Variants in CTNND2 observed in about 807,000 individuals in gnomAD.
CTNND2 encodes catenin delta 2, also known as catenin delta-2.
A neutral mutation model predicts 144.4 loss-of-function variants in CTNND2; 22 were observed. The observed-to-expected ratio is 0.15, with a 90% CI of 0.11 to 0.22. The LOEUF is 0.22. CTNND2 is among the 10% of genes least tolerant of loss of function. The probability of loss-of-function intolerance (pLI) is 1.00; values close to 1 mark genes in which losing one functional copy is unlikely to be tolerated. For synonymous variants in CTNND2, 751 were observed against 695.6 expected (o/e 1.08, Z -1.25); for missense variants, 1,353 against 1,618.8 (o/e 0.84, Z 2.82).
chr5:11,557,046 T>C (rs1313147568), intron 3 of CTNND2, among the ~76,000 whole-genome samples: 1 of 152,016 alleles, frequency 6.6e-6, no homozygotes, highest in Non-Finnish European at 1.5e-5. Flanking sequence ...GCCTGAAAAA[T>C]AAAATAGGGT....
intron 10 of CTNND2, among the ~76,000 whole-genome samples, chr5:11,217,075 A>G (rs1317520897): frequency 6.6e-6 from 1 of 152,080 alleles, no homozygotes; most frequent in South Asian, 2.1e-4. Flanking sequence ...CTCTTTGTCC[A>G]TTTTCTTGAC....
intron 1 of CTNND2, among the ~76,000 whole-genome samples, chr5:11,845,884 T>C (rs1794711763): frequency 6.6e-6 from 1 of 152,144 alleles, no homozygotes; most frequent in African/African-American, 2.4e-5. Context: ...CTAGTCTATA[T>C]TTAGAAAAGC....
intron 3 of CTNND2, among the ~76,000 whole-genome samples, chr5:11,521,143 G>A (rs1448313179): frequency 2.6e-5 from 4 of 152,114 alleles, no homozygotes; most frequent in Admixed American, 6.6e-5. Flanking sequence ...GGGAAATTTG[G>A]CATGTCAGAA....
At chr5:11,484,757 C>T (rs897626627) in intron 3 of CTNND2, among the ~76,000 whole-genome samples, 1 of 152,066 alleles carries the variant, frequency 6.6e-6, no homozygotes, top group Non-Finnish European at 1.5e-5. Context: ...TCAAATTATC[C>T]TATTTATGAA....
rs199620175 is a variant in CTNND2, at chr5:11,501,905, G to A, written c.287+63039C>T. On this transcript the variant is annotated intron_variant, in intron 3 of 21. Coordinates refer to ENST00000304623, the MANE Select transcript of CTNND2 (RefSeq NM_001332.4). ...TAGCTGGGTGTGGTTGCAGGTGCCT[G>A]TAGTCCCAGCTACTCGGGAGGCTGG... Among the ~76,000 whole-genome samples the A allele has an allele frequency of 2.6e-5, 4 of 151,864 alleles. No individual in the cohort carries two copies. In the East Asian group the frequency reaches 7.8e-4, roughly 30 times the overall value.
intron 1 of CTNND2, among the ~76,000 whole-genome samples, chr5:11,859,918 A>C (rs1795425783): frequency 1.3e-5 from 2 of 152,208 alleles, no homozygotes. Context: ...TCTAGGGACT[A>C]CCAGATATAG....
intron 1 of CTNND2, among the ~76,000 whole-genome samples, chr5:11,808,974 T>C (rs1792162044): frequency 6.6e-6 from 1 of 152,204 alleles, no homozygotes; most frequent in Non-Finnish European, 1.5e-5. Context: ...GTGAGAATTA[T>C]CATCGCTGAG....
At chr5:11,426,621 T>C (rs893439661) in intron 3 of CTNND2, among the ~76,000 whole-genome samples, 1 of 152,216 alleles carries the variant, frequency 6.6e-6, no homozygotes, top group African/African-American at 2.4e-5. Flanking sequence ...TGAGTGAGAC[T>C]CAAGTCAGTA....
intron 15 of CTNND2, among the ~76,000 whole-genome samples, chr5:11,086,486 C>T (rs909351673): frequency 3.3e-5 from 5 of 152,170 alleles, no homozygotes; most frequent in Non-Finnish European, 7.3e-5. Flanking sequence ...ACTGACGGGA[C>T]TGGGAAACAG....
intron 21 of CTNND2, among the ~76,000 whole-genome samples, chr5:10,979,120 C>A (rs184828103): frequency 1.3e-5 from 2 of 152,198 alleles, no homozygotes; most frequent in Non-Finnish European, 2.9e-5. Flanking sequence ...ACACTCTTGG[C>A]GGCAAAATCA....
chr5:11,729,164 C>T (rs1297197831), intron 2 of CTNND2, among the ~76,000 whole-genome samples: 1 of 150,352 alleles, frequency 6.7e-6, no homozygotes, highest in African/African-American at 2.5e-5. Context: ...ACATTTGCAT[C>T]CCTCCCCAAA....
intron 1 of CTNND2, among the ~76,000 whole-genome samples, chr5:11,788,197 G>A (rs1212358476): frequency 6.6e-6 from 1 of 152,084 alleles, no homozygotes; most frequent in Admixed American, 6.6e-5. Context: ...CAAAAAATAT[G>A]TATCATAATA....
At position 11,217,026 on chromosome 5, in the gene CTNND2, T is replaced by C. The variant is rs549915032; in HGVS notation, c.1762-17365A>G. Reference sequence around the variant, plus strand: ...AATCTCAATGTGTGCTGTGCACACATTGCACTTCTATGTACCAAGAAGTAC... The same window carrying C: ...AATCTCAATGTGTGCTGTGCACACACTGCACTTCTATGTACCAAGAAGTAC... On this transcript the variant is annotated intron_variant, in intron 10 of 21. Transcript: ENST00000304623. Among the ~76,000 whole-genome samples the C allele has an allele frequency of 9.3e-4, 142 of 152,298 alleles. 1 individual carries two copies. The highest frequency in any genetic ancestry group is 1.5e-3 in the Non-Finnish European group (103 of 68,022).
At chr5:11,404,592 T>C (rs1760917405) in intron 5 of CTNND2, among the ~76,000 whole-genome samples, 1 of 146,354 alleles carries the variant, frequency 6.8e-6, no homozygotes, top group Admixed American at 6.9e-5. Context: ...TATCTGTCAG[T>C]ATCTGTATTC....
chr5:11,472,783 G>A (rs979467438), intron 3 of CTNND2, among the ~76,000 whole-genome samples: 8 of 152,050 alleles, frequency 5.3e-5, no homozygotes, highest in African/African-American at 1.9e-4. Flanking sequence ...ATAATATGAC[G>A]GTGTTAGACT....
chr5:11,817,407 GAGGGAGAGAGAGAGAGAGAGAGA>G (rs1793025224), intron 1 of CTNND2, among the ~76,000 whole-genome samples: 1 of 12,790 alleles, frequency 7.8e-5, no homozygotes, highest in Non-Finnish European at 1.4e-4. Flanking sequence ...AGAGAGAGAG[GAGGGAGAGAGAGAGAGAGAGAGA>G]GAGAGAGAGA....
chr5:11,803,076 C>T (rs762166259), intron 1 of CTNND2, among the ~76,000 whole-genome samples: 5 of 152,164 alleles, frequency 3.3e-5, no homozygotes, highest in Non-Finnish European at 7.3e-5. Flanking sequence ...AATGCCAGCA[C>T]TTTGGGAGGC....
At chr5:11,035,394 C>A (rs1440145150) in intron 16 of CTNND2, among the ~76,000 whole-genome samples, 1 of 152,202 alleles carries the variant, frequency 6.6e-6, no homozygotes, top group African/African-American at 2.4e-5. Context: ...CAACAATGGG[C>A]CTTTCTTGTG....
At chr5:11,540,093 A>G (rs770964504) in intron 3 of CTNND2, among the ~76,000 whole-genome samples, 2 of 151,872 alleles carry the variant, frequency 1.3e-5, no homozygotes, top group Non-Finnish European at 2.9e-5. Context: ...ATTAATTACC[A>G]TTGTGGTGGG....
Sources: allele counts gnomAD v4.1 joint callset (sites outside exome capture counted in the v4.1 genomes callset), GRCh38; gene constraint gnomAD v4.1.1; transcripts MANE v1.5; gene names NCBI Gene and HGNC (gene_info 2026-07-23, HGNC 2026-07-21).